TAS2R1: variants seen among roughly 807,000 people sequenced by gnomAD.
The protein encoded by TAS2R1 is taste receptor type 2 member 1.
For missense variants in TAS2R1, 370 were observed against 353.4 expected (o/e 1.05, Z -0.38); for synonymous variants, 141 against 134.2 (o/e 1.05, Z -0.35).
At chr5:9,858,017 C>T in the TAS2R1 span, among the ~76,000 whole-genome samples, 1 of 151,988 alleles carries the variant, frequency 6.6e-6, no homozygotes, top group African/African-American at 2.4e-5. Context: ...AAGTCTGGGG[C>T]TGTAGGGGCC....
At chr5:9,648,711 G>T (rs967545735) in intron 2 of TAS2R1, among the ~76,000 whole-genome samples, 1 of 152,004 alleles carries the variant, frequency 6.6e-6, no homozygotes, top group Non-Finnish European at 1.5e-5. Flanking sequence ...AGCTAGGGAC[G>T]TATAGACTCT....
At chr5:9,767,657 T>A in the TAS2R1 span, among the ~76,000 whole-genome samples, 15 of 151,996 alleles carry the variant, frequency 9.9e-5, no homozygotes, top group Non-Finnish European at 1.8e-4. Context: ...AGGTGGGGCG[T>A]GGTGTCTCAC....
chr5:9,781,009 C>G, the TAS2R1 span, among the ~76,000 whole-genome samples: 2 of 152,198 alleles, frequency 1.3e-5, no homozygotes, highest in South Asian at 4.2e-4. Flanking sequence ...TTGTGTGAGC[C>G]AATTTCTTAA....
chr5:9,657,081 A>T (rs1740430631), intron 2 of TAS2R1, among the ~76,000 whole-genome samples: 1 of 152,178 alleles, frequency 6.6e-6, no homozygotes, highest in South Asian at 2.1e-4. Flanking sequence ...ATCTAATTTT[A>T]ATTTTAAATA....
At position 9,700,967 on chromosome 5, in the gene TAS2R1, T is replaced by G. The variant is rs145212539; in HGVS notation, c.-242+11205A>C. Reference sequence around the variant, plus strand: ...TTAGGACTGCAACATATCAATTGTGTGCAAGTGAAGTGTGGGGACACAATT... The same window carrying G: ...TTAGGACTGCAACATATCAATTGTGGGCAAGTGAAGTGTGGGGACACAATT... On this transcript the variant is annotated intron_variant, in intron 1 of 2. Coordinates refer to the TAS2R1 transcript ENST00000506620. Among the ~76,000 whole-genome samples, 3 of 152,262 alleles carry G rather than the reference T, an allele frequency of 2.0e-5. No homozygotes were observed. In the East Asian group the frequency reaches 5.8e-4, roughly 29 times the overall value.
At chr5:9,874,952 G>A in the TAS2R1 span, among the ~76,000 whole-genome samples, 16 of 152,206 alleles carry the variant, frequency 1.1e-4, no homozygotes, top group Non-Finnish European at 2.2e-4. Context: ...TGGGTTTATG[G>A]GCATTCTTAT....
the TAS2R1 span, among the ~76,000 whole-genome samples, chr5:9,779,248 C>T: frequency 5.3e-5 from 8 of 152,350 alleles, no homozygotes; most frequent in South Asian, 1.4e-3. Context: ...CCTGCTCCTG[C>T]TTAGCCTTCC....
the TAS2R1 span, among the ~76,000 whole-genome samples, chr5:9,771,036 G>A: frequency 3.8e-3 from 579 of 152,222 alleles, 3 homozygotes; most frequent in African/African-American, 0.013. Flanking sequence ...TGCATTTGTC[G>A]TATATGGCTT....
chr5:9,850,386 A>C, the TAS2R1 span, among the ~76,000 whole-genome samples: 1 of 152,224 alleles, frequency 6.6e-6, no homozygotes, highest in Non-Finnish European at 1.5e-5. Context: ...CTATTTCCAT[A>C]ATCAAAAAGT....
At chr5:9,684,616 C>T (rs939905231) in intron 1 of TAS2R1, among the ~76,000 whole-genome samples, 1 of 152,100 alleles carries the variant, frequency 6.6e-6, no homozygotes, top group African/African-American at 2.4e-5. Flanking sequence ...TGCAAACTCC[C>T]GGGCTTAAGT....
the TAS2R1 span, among the ~76,000 whole-genome samples, chr5:9,901,082 T>C: frequency 6.6e-6 from 1 of 152,096 alleles, no homozygotes; most frequent in Non-Finnish European, 1.5e-5. Flanking sequence ...TAGGTACTAG[T>C]GCCTCCCATT....
chr5:9,857,397 C>T, the TAS2R1 span, among the ~76,000 whole-genome samples: 1 of 152,008 alleles, frequency 6.6e-6, no homozygotes, highest in Non-Finnish European at 1.5e-5. Context: ...TGCAGGTATC[C>T]AAAGGGCAAT....
chr5:9,824,052 T>C, the TAS2R1 span, among the ~76,000 whole-genome samples: 1 of 152,178 alleles, frequency 6.6e-6, no homozygotes, highest in African/African-American at 2.4e-5. Flanking sequence ...GCAAAGGAAC[T>C]GCCCACCCAG....
chr5:9,790,740 C>T, the TAS2R1 span, among the ~76,000 whole-genome samples: 17 of 152,076 alleles, frequency 1.1e-4, no homozygotes, highest in Admixed American at 3.9e-4. Context: ...GCAATTCTTC[C>T]GCCTCAGCCT....
the TAS2R1 span, among the ~76,000 whole-genome samples, chr5:9,814,586 TCA>T: frequency 2.0e-5 from 3 of 152,182 alleles, no homozygotes; most frequent in African/African-American, 7.2e-5. Flanking sequence ...AGCTGATTGG[TCA>T]ATCCTACGTT....
the TAS2R1 span, among the ~76,000 whole-genome samples, chr5:9,782,788 A>C: frequency 1.3e-5 from 2 of 152,184 alleles, no homozygotes; most frequent in South Asian, 4.1e-4. Context: ...AGTGGAAAAA[A>C]AAAATCTACT....
At chr5:9,739,725 T>C in the TAS2R1 span, among the ~76,000 whole-genome samples, 1 of 152,208 alleles carries the variant, frequency 6.6e-6, no homozygotes, top group Non-Finnish European at 1.5e-5. Context: ...TCTAATGCCC[T>C]TCTGATGCTC....
At position 9,629,636 on chromosome 5, in the gene TAS2R1, A is replaced by T; in HGVS notation, c.397T>A (p.Ser133Thr). ...CAAATCATAGATACATATAGCAGAG[A>T]CCCCAGGATCATCCATGGGACCAGC... ...SKLVPWMILGSLLYVSMICVF... is the reference protein window; with the variant it reads ...SKLVPWMILGTLLYVSMICVF... Residue 133 changes from serine to threonine, a missense_variant, in exon 1 of 1, where the codon TCT becomes ACT. Coordinates refer to ENST00000382492, the MANE Select transcript of TAS2R1 (RefSeq NM_019599.3). 1 of 1,614,168 alleles carries T rather than the reference A, an allele frequency of 6.2e-7. No homozygotes were observed. Among genetic ancestry groups the T allele is most frequent in the Non-Finnish European group, 8.5e-7 (1 of 1,180,034 alleles).
At chr5:9,631,820 T>C (rs1424891607), upstream of TAS2R1, among the ~76,000 whole-genome samples, 1 of 152,226 alleles carries the variant, frequency 6.6e-6, no homozygotes, top group African/African-American at 2.4e-5. Context: ...GGCTCTTCTC[T>C]GAATAGGACC....
Sources: allele counts gnomAD v4.1 joint callset (sites outside exome capture counted in the v4.1 genomes callset), GRCh38; gene constraint gnomAD v4.1.1; transcripts MANE v1.5; gene names NCBI Gene and HGNC (gene_info 2026-07-23, HGNC 2026-07-21).